Variants in SRP54 observed in about 807,000 individuals in gnomAD.
The protein encoded by SRP54 is signal recognition particle 54, also known as signal recognition particle subunit SRP54.
Under a neutral mutation model 64.8 loss-of-function variants are expected in SRP54, and 10 were observed. That is an observed-to-expected ratio of 0.15 (90% CI 0.10 to 0.26). The LOEUF is 0.26. Ranked by LOEUF, SRP54 falls within the 10% of genes least tolerant of loss-of-function variation. The pLI is 1.00. For synonymous variants in SRP54, 193 were observed against 185.6 expected (o/e 1.04, Z -0.32); for missense variants, 325 against 613.7 (o/e 0.53, Z 4.97).
intron 14 of SRP54, among the ~76,000 whole-genome samples, chr14:35,025,003 G>C (rs573198820): frequency 6.6e-6 from 1 of 152,164 alleles, no homozygotes; most frequent in South Asian, 2.1e-4. Context: ...AATGCTCTGG[G>C]ATTACAGGCA....
intron 13 of SRP54, among the ~76,000 whole-genome samples, chr14:35,022,605 T>C (rs1172347406): frequency 6.6e-6 from 1 of 152,198 alleles, no homozygotes; most frequent in Non-Finnish European, 1.5e-5. Context: ...GCTGCCTGCC[T>C]CGGCCTCACA....
Position 35,001,020 on chromosome 14 carries a change from G to T in SRP54, c.255G>T (p.Lys85Asn). Residue 85 changes from lysine (K) to asparagine (N), a missense_variant and splice_region_variant, in exon 4 of 16, where the codon AAG (lysine) becomes AAT (asparagine). Lys to Asn is a moderately conservative substitution (Grantham distance 94). This residue lies in a region of SRP54 where 156 missense variants were observed against 254.6 expected (regional missense o/e 0.61). Transcript: ENST00000216774. Reference protein sequence around the residue: ...IQHAVFKELVKLVDPGVKAWT... With the variant: ...IQHAVFKELVNLVDPGVKAWT... ...ATGCTGTATTTAAAGAACTTGTGAA[G>T]GTAAAAGTATATGAAGATTATGCTG... 1 of 1,543,574 alleles carries T rather than the reference G, an allele frequency of 6.5e-7. No individual in the cohort carries two copies. Among genetic ancestry groups the T allele is most frequent in the Admixed American group, 1.8e-5 (1 of 54,258 alleles).
chr14:34,999,500 T>A (rs1046928667), intron 2 of SRP54, 58 bp from the exon 3 acceptor site: 4 of 1,318,122 alleles, frequency 3.0e-6, no homozygotes, highest in Non-Finnish European at 4.3e-6. Context: ...CAATTGTTTT[T>A]ATGGAACTGA....
intron 2 of SRP54, among the ~76,000 whole-genome samples, chr14:34,999,013 GGTT>G (rs1420175169): frequency 4.0e-4 from 16 of 39,566 alleles, no homozygotes; most frequent in Non-Finnish European, 5.2e-4. Context: ...GTGTGTGTGT[GGTT>G]TTTTTTTTTT....
intron 11 of SRP54, 87 bp downstream of exon 11, chr14:35,014,917 A>G (rs2044413997): frequency 5.2e-6 from 5 of 967,252 alleles, no homozygotes; most frequent in Admixed American, 4.4e-5. Flanking sequence ...TTGAAATGTA[A>G]TATCTGTTAG....
chr14:35,026,220 G>GTT (rs750286247), intron 14 of SRP54, among the ~76,000 whole-genome samples: 2 of 132,412 alleles, frequency 1.5e-5, no homozygotes, highest in Non-Finnish European at 3.3e-5. Flanking sequence ...TTTTTTGTTT[G>GTT]TTTGTTTTGT....
rs376712278 is a variant in SRP54 at position 35,014,290 on chromosome 14, T to TTTTTTTTTTTTTTTTTTTTTTG, written c.886+392_886+393insTTTTTTTTTTTTTTTTTGTTTT. Among the ~76,000 whole-genome samples the TTTTTTTTTTTTTTTTTTTTTTG allele has an allele frequency of 1.8e-4, 23 of 127,346 alleles. 1 individual carries two copies. The highest frequency in any genetic ancestry group is 2.9e-4 in the African/African-American group (10 of 34,362). The allele number at this position is 127,346 out of a possible 152,430, so 83.5% of individuals were successfully genotyped here. A position where few individuals can be genotyped will look rare whatever the true frequency, so the allele number is the denominator to read the frequency against. The stretch of plus-strand genomic sequence containing the variant: ...TGCCACTTAACTTTTTTTTTTTTTT[T>TTTTTTTTTTTTTTTTTTTTTTG]TTTTGAGACGGAGTTTCGCTCTTGT... On this transcript the variant is annotated intron_variant, in intron 10 of 15. Coordinates refer to ENST00000216774, the MANE Select transcript of SRP54 (RefSeq NM_003136.4).
intron 1 of SRP54, among the ~76,000 whole-genome samples, chr14:34,995,112 C>A (rs2044046432): frequency 7.9e-6 from 1 of 126,446 alleles, no homozygotes; most frequent in Non-Finnish European, 1.6e-5. Flanking sequence ...TTTCTTGTTC[C>A]AGAGAAGCAG....
At chr14:34,989,506 T>G (rs2043952245) in intron 1 of SRP54, among the ~76,000 whole-genome samples, 1 of 152,220 alleles carries the variant, frequency 6.6e-6, no homozygotes, top group East Asian at 1.9e-4. Context: ...GATTATGTTG[T>G]AATAGGATTT....
At chr14:35,016,029 T>C (rs2044432748) in intron 11 of SRP54, among the ~76,000 whole-genome samples, 2 of 152,212 alleles carry the variant, frequency 1.3e-5, no homozygotes, top group Admixed American at 1.3e-4. Context: ...GTCATTATTA[T>C]TTCTTCCTCA....
At chr14:35,026,644 T>G (rs942977019) in intron 14 of SRP54, among the ~76,000 whole-genome samples, 2 of 152,182 alleles carry the variant, frequency 1.3e-5, no homozygotes, top group Non-Finnish European at 2.9e-5. Flanking sequence ...AAGGTTTTCA[T>G]TACTTAAAGA....
At chr14:34,986,828 G>A (rs1214157303) in intron 1 of SRP54, among the ~76,000 whole-genome samples, 2 of 151,720 alleles carry the variant, frequency 1.3e-5, no homozygotes, top group African/African-American at 2.4e-5. Flanking sequence ...GCAGTGAGCC[G>A]AGATTGTGCC....
At chr14:35,015,014 G>A (rs1165108724) in intron 11 of SRP54, among the ~76,000 whole-genome samples, 184 bp downstream of exon 11, 1 of 152,138 alleles carries the variant, frequency 6.6e-6, no homozygotes, top group Non-Finnish European at 1.5e-5. Flanking sequence ...ACAGAATTCA[G>A]TGTTTTTATT....
chr14:35,009,805 A>G (rs776260495), intron 7 of SRP54, among the ~76,000 whole-genome samples: 19 of 152,006 alleles, frequency 1.2e-4, no homozygotes, highest in Non-Finnish European at 2.5e-4. Context: ...AGGTGGGAGG[A>G]TTGCTTGAGC....
intron 14 of SRP54, among the ~76,000 whole-genome samples, chr14:35,023,442 C>T (rs979407650): frequency 2.5e-4 from 38 of 151,814 alleles, no homozygotes; most frequent in Non-Finnish European, 8.8e-5. Context: ...ACTAAGTTTT[C>T]TTCTGATATA....
At chr14:35,007,243 G>A in intron 4 of SRP54, 40 bp from the exon 5 acceptor site, 1 of 1,431,992 alleles carries the variant, frequency 7.0e-7, no homozygotes, top group Non-Finnish European at 9.6e-7. Flanking sequence ...TTATATGTAT[G>A]TTAACCTGAT....
intron 13 of SRP54, chr14:35,019,466 G>A (rs2044492410): frequency 6.3e-6 from 1 of 159,268 alleles, no homozygotes; most frequent in Admixed American, 6.1e-5. Flanking sequence ...AAGATTACTT[G>A]AGGCCAGGAG....
chr14:35,011,466 G>T, intron 7 of SRP54, 43 bp from the exon 8 acceptor site: 2 of 1,355,278 alleles, frequency 1.5e-6, no homozygotes, highest in South Asian at 2.2e-5. Context: ...GTAGTATTTG[G>T]AAGTTTTGTC....
chr14:35,026,535 G>A (rs1336341296), intron 14 of SRP54, among the ~76,000 whole-genome samples: 1 of 152,108 alleles, frequency 6.6e-6, no homozygotes, highest in Non-Finnish European at 1.5e-5. Flanking sequence ...CACCCAGGCT[G>A]CATCTCTTTC....
Sources: allele counts gnomAD v4.1 joint callset (sites outside exome capture counted in the v4.1 genomes callset), GRCh38; gene constraint gnomAD v4.1.1; regional missense constraint gnomAD v4.1.1; transcripts MANE v1.5; gene names NCBI Gene and HGNC (gene_info 2026-07-23, HGNC 2026-07-21).